Variants in ARHGEF38 observed in about 807,000 individuals in gnomAD.
ARHGEF38 encodes the protein Rho guanine nucleotide exchange factor (GEF) 38.
In ARHGEF38, 79 loss-of-function variants were observed where a neutral mutation model predicts 79.9. The ratio of observed to expected loss-of-function variants is 0.99; its 90% CI spans 0.82 to 1.19. The LOEUF (loss-of-function observed/expected upper bound fraction) is 1.19, where lower values mean the gene tolerates loss of function less well. Among genes scored for constraint, ARHGEF38 ranks in the 50% most tolerant of loss-of-function variants. The probability of loss-of-function intolerance (pLI) is 0.00; values close to 1 mark genes in which losing one functional copy is unlikely to be tolerated. For synonymous variants in ARHGEF38, 366 were observed against 328.3 expected (o/e 1.11, Z -1.24); for missense variants, 962 against 907.2 (o/e 1.06, Z -0.78).
chr4:105,578,666 A>G (rs1028601242), intron 1 of ARHGEF38, among the ~76,000 whole-genome samples: 1 of 152,108 alleles, frequency 6.6e-6, no homozygotes, highest in East Asian at 1.9e-4. Flanking sequence ...TTATAAAATG[A>G]CCTTTTTGTC....
intron 1 of ARHGEF38, among the ~76,000 whole-genome samples, chr4:105,556,263 C>A (rs1366492949): frequency 6.6e-6 from 1 of 152,052 alleles, no homozygotes; most frequent in Non-Finnish European, 1.5e-5. Flanking sequence ...CAATGAACAG[C>A]AAAAACAGAA....
Position 105,679,534 on chromosome 4 carries a change from G to T in ARHGEF38, c.*1597G>T. 5.5e-6 allele frequency: 7 copies of T among 1,277,934 alleles called. No individual in the cohort carries two copies. Among genetic ancestry groups the T allele is most frequent in the Non-Finnish European group, 8.0e-6 (7 of 876,208 alleles). The allele number at this position is 1,277,934 out of a possible 1,614,324, so 79.2% of individuals were successfully genotyped here. A position where few individuals can be genotyped will look rare whatever the true frequency, so the allele number is the denominator to read the frequency against. ...TCAAAGCTTGATACACCAGAAATGT[G>T]GGCTAAAGCTGCAGCCAATGCATCT... is the stretch of plus-strand genomic sequence containing the variant. On this transcript the variant is annotated 3_prime_UTR_variant, in exon 14 of 14. Transcript: ENST00000420470.
At chr4:105,607,594 G>T (rs1045969841) in intron 2 of ARHGEF38, among the ~76,000 whole-genome samples, 3 of 152,084 alleles carry the variant, frequency 2.0e-5, no homozygotes, top group African/African-American at 7.2e-5. Flanking sequence ...AATAGAATGG[G>T]CTTCCATATA....
intron 2 of ARHGEF38, among the ~76,000 whole-genome samples, chr4:105,603,605 T>C (rs573777091): frequency 6.6e-6 from 1 of 152,274 alleles, no homozygotes; most frequent in South Asian, 2.1e-4. Context: ...TTGCAACTCT[T>C]TCCTGAGCCC....
chr4:105,570,400 T>G (rs908882736), intron 1 of ARHGEF38, among the ~76,000 whole-genome samples: 2 of 152,234 alleles, frequency 1.3e-5, no homozygotes, highest in Admixed American at 6.5e-5. Flanking sequence ...TGTATTAGTC[T>G]GTTCTCATGC....
At chr4:105,645,495 C>T in intron 6 of ARHGEF38, 108 bp downstream of exon 6, 1 of 908,818 alleles carries the variant, frequency 1.1e-6, no homozygotes, top group South Asian at 2.5e-5. Flanking sequence ...GTGAACTGAT[C>T]ATTTGAAATC....
At chr4:105,609,490 A>G (rs1728192801) in intron 2 of ARHGEF38, among the ~76,000 whole-genome samples, 1 of 152,130 alleles carries the variant, frequency 6.6e-6, no homozygotes, top group Non-Finnish European at 1.5e-5. Context: ...TCTGGTGTTA[A>G]TGGATTGGAA....
chr4:105,567,926 C>A (rs1048088340), intron 1 of ARHGEF38, among the ~76,000 whole-genome samples: 1 of 115,928 alleles, frequency 8.6e-6, no homozygotes, highest in Non-Finnish European at 1.8e-5. Flanking sequence ...TGCTATCCCT[C>A]CCCCCCTCCC....
chr4:105,583,017 G>A (rs1726870756), intron 1 of ARHGEF38, among the ~76,000 whole-genome samples: 1 of 152,026 alleles, frequency 6.6e-6, no homozygotes, highest in African/African-American at 2.4e-5. Flanking sequence ...GTGTGCTTAT[G>A]TTCTCTACTA....
intron 2 of ARHGEF38, among the ~76,000 whole-genome samples, chr4:105,591,575 A>C (rs1032865314): frequency 6.6e-6 from 1 of 152,186 alleles, no homozygotes; most frequent in East Asian, 1.9e-4. Context: ...ATTAGGGAAA[A>C]CCAGTATAGG....
intron 13 of ARHGEF38, among the ~76,000 whole-genome samples, chr4:105,671,767 C>T (rs2110583836): frequency 6.6e-6 from 1 of 152,296 alleles, no homozygotes; most frequent in African/African-American, 2.4e-5. Context: ...TTCTGTGTGG[C>T]TATTTAGACT....
In ARHGEF38 at chr4:105,663,041, A is replaced by C. The variant is rs116798574; in HGVS notation, c.1546-3136A>C. On this transcript the variant is annotated intron_variant, in intron 10 of 13. Transcript: ENST00000420470. ...TATGTTCTGTATATTTAAACTTTTT[A>C]TTTTGTGATACTTAGAGATTCATAT... is the stretch of plus-strand genomic sequence containing the variant. Among the ~76,000 whole-genome samples, 797 of 152,196 alleles carry C rather than the reference A, an allele frequency of 5.2e-3. 6 individuals carry two copies. Among genetic ancestry groups the C allele is most frequent in the African/African-American group, 0.018 (756 of 41,550 alleles).
At chr4:105,649,800 A>G (rs906494143) in intron 7 of ARHGEF38, among the ~76,000 whole-genome samples, 1 of 151,948 alleles carries the variant, frequency 6.6e-6, no homozygotes, top group Non-Finnish European at 1.5e-5. Context: ...TAATATATTG[A>G]CTCTATATTT....
intron 13 of ARHGEF38, among the ~76,000 whole-genome samples, chr4:105,675,428 TCTTTA>T (rs1731086021): frequency 3.3e-5 from 5 of 152,198 alleles, no homozygotes; most frequent in Admixed American, 3.3e-4. Context: ...TTAATTTTCT[TCTTTA>T]CTTAAAAAAA....
chr4:105,560,411 T>C (rs1725459478), intron 1 of ARHGEF38, among the ~76,000 whole-genome samples: 1 of 152,172 alleles, frequency 6.6e-6, no homozygotes, highest in African/African-American at 2.4e-5. Flanking sequence ...TTAATATATA[T>C]CAGAATAACT....
intron 1 of ARHGEF38, among the ~76,000 whole-genome samples, chr4:105,557,577 G>A (rs957381756): frequency 6.9e-6 from 1 of 144,228 alleles, no homozygotes; most frequent in Non-Finnish European, 1.5e-5. Context: ...TGAAGCTTTG[G>A]TGAATGGGAT....
chr4:105,575,876 G>C (rs927617642), intron 1 of ARHGEF38, among the ~76,000 whole-genome samples: 4 of 152,054 alleles, frequency 2.6e-5, no homozygotes, highest in African/African-American at 9.7e-5. Flanking sequence ...TGGATATCTA[G>C]TTTTCCCAGC....
At chr4:105,582,740 T>C (rs1244934653) in intron 1 of ARHGEF38, among the ~76,000 whole-genome samples, 1 of 152,192 alleles carries the variant, frequency 6.6e-6, no homozygotes, top group African/African-American at 2.4e-5. Flanking sequence ...CTGACAGTTA[T>C]GTTTAAAATA....
chr4:105,606,301 C>T (rs924696176), intron 2 of ARHGEF38, among the ~76,000 whole-genome samples: 3 of 152,014 alleles, frequency 2.0e-5, no homozygotes, highest in African/African-American at 4.8e-5. Flanking sequence ...TGGCAATCAC[C>T]GTGACCCTTG....
Sources: gnomAD v4.1 joint callset for allele counts (sites outside exome capture counted in the v4.1 genomes callset) on GRCh38, gnomAD v4.1.1 for gene constraint, MANE v1.5 for transcripts, NCBI Gene and HGNC (gene_info 2026-07-23, HGNC 2026-07-21) for gene names.